The following FNDC3B variants were observed in gnomAD, a reference collection of about 807,000 sequenced individuals.
FNDC3B encodes the protein fibronectin type III domain-containing protein 3B.
FNDC3B carries 12 observed loss-of-function variants against 151.5 expected under a neutral mutation model. The observed-to-expected ratio is 0.08, with a 90% CI of 0.05 to 0.13. FNDC3B has a LOEUF of 0.13. Ranked by LOEUF, FNDC3B falls within the 10% of genes least tolerant of loss-of-function variation. The pLI is 1.00. For synonymous variants in FNDC3B, 528 were observed against 549.0 expected, an observed-to-expected ratio of 0.96 and a Z score of 0.54; for missense variants, 1,214 against 1,505.3, an observed-to-expected ratio of 0.81 and a Z score of 3.20.
chr3:172,251,764 G>T (rs6786644), intron 6 of FNDC3B, among the ~76,000 whole-genome samples: 25,451 of 152,080 alleles, frequency 0.17, 2,550 homozygotes, highest in African/African-American at 0.28. Flanking sequence ...TTTGGTCACA[G>T]ATGCCATGCA....
Position 172,352,368 on chromosome 3 carries a change from A to C in FNDC3B, c.2515-435A>C, listed in dbSNP as rs2108324540. 6.6e-6 allele frequency among the ~76,000 whole-genome samples: 1 copy of C among 152,278 alleles called. No homozygotes were observed. The highest frequency in any genetic ancestry group is 3.4e-3 in the Middle Eastern group (1 of 294). On this transcript the variant is annotated intron_variant, in intron 21 of 25. Coordinates refer to ENST00000415807, the MANE Select transcript of FNDC3B (RefSeq NM_022763.4). The surrounding 1 kb of genome is among the most constrained non-coding windows in gnomAD (Gnocchi z 4.2). The stretch of plus-strand genomic sequence containing the variant: ...CTATTCCAGGACAGCTCTAGACTTA[A>C]AAGTCAGATGAACCGGATTCCGGTC...
intron 13 of FNDC3B, among the ~76,000 whole-genome samples, 191 bp from the exon 14 acceptor site, chr3:172,332,898 A>G (rs1384224443): frequency 6.6e-6 from 1 of 152,188 alleles, no homozygotes; most frequent in Non-Finnish European, 1.5e-5. Flanking sequence ...ATGGAGATAA[A>G]TTTTTATTTA....
Position 172,362,710 on chromosome 3 carries a change from C to A in FNDC3B, c.2873C>A (p.Pro958Gln). Residue 958 changes from proline to glutamine, a missense_variant, in exon 23 of 26, where the codon CCA (proline) becomes CAA (glutamine). Physicochemically the swap from Pro to Gln is moderately conservative, Grantham distance 76. This residue lies in a region of FNDC3B where 284 missense variants were observed against 392.4 expected (regional missense o/e 0.72). Coordinates refer to ENST00000415807, the MANE Select transcript of FNDC3B (RefSeq NM_022763.4). ...ATTAAAGCAAAAACTCGGCCATTAC[C>A]ACCCTTGCCTCCTAGGCTAGAATGT... The part of the protein sequence containing the change: ...QFIKAKTRPL[P>Q]PLPPRLECAA... The A allele has an allele frequency of 6.2e-7, 1 of 1,614,028 alleles. No individual in the cohort carries two copies. The highest frequency in any genetic ancestry group is 8.5e-7 in the Non-Finnish European group (1 of 1,179,978).
intron 3 of FNDC3B, among the ~76,000 whole-genome samples, chr3:172,141,087 G>T (rs1576901970): frequency 6.6e-6 from 1 of 152,122 alleles, no homozygotes; most frequent in Admixed American, 6.5e-5. Flanking sequence ...ATAATCCATT[G>T]TAAGTGTCAT....
chr3:172,123,361 G>A (rs1437268724), intron 2 of FNDC3B, among the ~76,000 whole-genome samples: 1 of 151,382 alleles, frequency 6.6e-6, no homozygotes, highest in Middle Eastern at 3.2e-3. Flanking sequence ...TTTTGTTGTT[G>A]TTGTTATATT....
chr3:172,230,359 C>G (rs1726827053), intron 4 of FNDC3B, among the ~76,000 whole-genome samples: 1 of 149,410 alleles, frequency 6.7e-6, no homozygotes, highest in African/African-American at 2.5e-5. Flanking sequence ...AAAAAATTAG[C>G]CAAGTGTGGT....
At chr3:172,050,462 C>T (rs144811755) in intron 1 of FNDC3B, among the ~76,000 whole-genome samples, 7 of 152,088 alleles carry the variant, frequency 4.6e-5, no homozygotes, top group African/African-American at 1.7e-4. Flanking sequence ...TGGCTCACTG[C>T]AACCTCCGTC....
intron 9 of FNDC3B, among the ~76,000 whole-genome samples, chr3:172,304,242 A>G (rs1022002016): frequency 3.3e-5 from 5 of 152,224 alleles, no homozygotes; most frequent in African/African-American, 1.2e-4. Context: ...ACCTTTCCCC[A>G]GACAACTGAC....
At chr3:172,042,483 A>G (rs886802627) in intron 1 of FNDC3B, among the ~76,000 whole-genome samples, 1 of 152,242 alleles carries the variant, frequency 6.6e-6, no homozygotes, top group African/African-American at 2.4e-5. Context: ...TGACTTGTTG[A>G]GGGTCACCAT....
At chr3:172,382,495 G>C (rs1576964772) in intron 25 of FNDC3B, among the ~76,000 whole-genome samples, 1 of 152,068 alleles carries the variant, frequency 6.6e-6, no homozygotes, top group African/African-American at 2.4e-5. Context: ...GTCAATTTTG[G>C]CTTTTGTTGC....
chr3:172,098,566 C>T (rs1476587024), intron 1 of FNDC3B, among the ~76,000 whole-genome samples: 1 of 152,030 alleles, frequency 6.6e-6, no homozygotes, highest in South Asian at 2.1e-4. Context: ...ATGTTAACAC[C>T]TTTCAGTTGG....
At chr3:172,259,084 G>C (rs1469622286) in intron 6 of FNDC3B, among the ~76,000 whole-genome samples, 1 of 152,142 alleles carries the variant, frequency 6.6e-6, no homozygotes, top group Admixed American at 6.5e-5. Context: ...TGAATCCTGT[G>C]TTTTTTCACC....
intron 22 of FNDC3B, among the ~76,000 whole-genome samples, chr3:172,360,969 G>A (rs1014735831): frequency 6.6e-6 from 1 of 151,976 alleles, no homozygotes; most frequent in Admixed American, 6.6e-5. Context: ...AAAGAGATTT[G>A]TTTGGCTTAT....
intron 23 of FNDC3B, among the ~76,000 whole-genome samples, chr3:172,368,006 G>A (rs937011303): frequency 1.3e-5 from 2 of 152,146 alleles, no homozygotes; most frequent in African/African-American, 2.4e-5. Flanking sequence ...ATTAGAGAGG[G>A]ACAGAAAGAA....
At chr3:172,266,588 G>T (rs192755967) in intron 6 of FNDC3B, among the ~76,000 whole-genome samples, 137 of 152,322 alleles carry the variant, frequency 9.0e-4, no homozygotes, top group African/African-American at 3.0e-3. Context: ...TGGTAGGCCC[G>T]AGCTCCCTCC....
At chr3:172,224,243 G>T (rs1284282825) in intron 3 of FNDC3B, among the ~76,000 whole-genome samples, 2 of 152,198 alleles carry the variant, frequency 1.3e-5, no homozygotes, top group African/African-American at 4.8e-5. Context: ...TGCTGAGGCT[G>T]ACAAGAAAAA....
intron 6 of FNDC3B, among the ~76,000 whole-genome samples, chr3:172,280,583 A>G (rs1301308135): frequency 6.6e-6 from 1 of 152,210 alleles, no homozygotes; most frequent in East Asian, 1.9e-4. Context: ...ACTAGACAGA[A>G]GGTTTAGAGA....
At chr3:172,135,649 G>A (rs1721321986) in intron 3 of FNDC3B, among the ~76,000 whole-genome samples, 1 of 152,144 alleles carries the variant, frequency 6.6e-6, no homozygotes, top group Non-Finnish European at 1.5e-5. Flanking sequence ...ATGAGGACTA[G>A]GACCTGGATC....
chr3:172,181,291 G>A (rs1200959037), intron 3 of FNDC3B, among the ~76,000 whole-genome samples: 1 of 150,332 alleles, frequency 6.7e-6, no homozygotes, highest in Non-Finnish European at 1.5e-5. Context: ...CTACTCAGGA[G>A]GCTGAGGTGG....
Sources: gnomAD v4.1 joint callset for allele counts (sites outside exome capture counted in the v4.1 genomes callset) on GRCh38, gnomAD v4.1.1 for gene constraint, gnomAD v4.1.1 regional missense constraint, Gnocchi (gnomAD v3.1) non-coding constraint, MANE v1.5 for transcripts, NCBI Gene and HGNC (gene_info 2026-07-23, HGNC 2026-07-21) for gene names.